MYLK: variants seen among roughly 807,000 people sequenced by gnomAD.
MYLK encodes myosin light chain kinase, smooth muscle.
Under a neutral mutation model 203.4 loss-of-function variants are expected in MYLK, and 106 were observed. That is an observed-to-expected ratio of 0.52 (90% CI 0.45 to 0.61). The LOEUF (loss-of-function observed/expected upper bound fraction) is 0.61. Among genes scored for constraint, MYLK ranks in the 20% least tolerant of loss-of-function variants. MYLK has a pLI of 0.00. For missense variants in MYLK, 2,072 were observed against 2,442.3 expected, an observed-to-expected ratio of 0.85 and a Z score of 3.20; for synonymous variants, 867 against 959.5, an observed-to-expected ratio of 0.90 and a Z score of 1.78.
chr3:123,626,235 G>A (rs760896394), intron 31 of MYLK, among the ~76,000 whole-genome samples: 9 of 152,200 alleles, frequency 5.9e-5, no homozygotes, highest in Non-Finnish European at 1.2e-4. Flanking sequence ...GGCCACATGA[G>A]GATGATCTCG....
At chr3:123,674,254 C>T (rs139580906) in intron 20 of MYLK, among the ~76,000 whole-genome samples, 32 of 152,274 alleles carry the variant, frequency 2.1e-4, no homozygotes, top group African/African-American at 7.7e-4. Context: ...AACTAAGTAC[C>T]TCCTCAGTCT....
At chr3:123,620,405 G>T (rs1323852523) in intron 31 of MYLK, 69 bp from the exon 32 acceptor site, 2 of 1,609,388 alleles carry the variant, frequency 1.2e-6, no homozygotes, top group East Asian at 2.2e-5. Flanking sequence ...GCGAGGGGCT[G>T]CAGGGAGTAG....
intron 22 of MYLK, among the ~76,000 whole-genome samples, chr3:123,664,576 G>A (rs975856910): frequency 2.0e-5 from 3 of 152,154 alleles, no homozygotes; most frequent in African/African-American, 7.2e-5. Flanking sequence ...TGGGATGATA[G>A]GAGAACACAT....
chr3:123,861,652 G>T (rs9855612), intron 2 of MYLK, among the ~76,000 whole-genome samples: 16 of 152,296 alleles, frequency 1.1e-4, no homozygotes, highest in African/African-American at 3.9e-4. Flanking sequence ...CTTTAAGTGT[G>T]TCATTCACTA....
intron 19 of MYLK, among the ~76,000 whole-genome samples, chr3:123,687,574 T>A (rs1560073377): frequency 6.6e-6 from 1 of 151,714 alleles, no homozygotes. Flanking sequence ...ACCTGACCCT[T>A]CCTTCCTTCC....
At chr3:123,683,368 C>T (rs548028546) in intron 19 of MYLK, among the ~76,000 whole-genome samples, 2 of 152,254 alleles carry the variant, frequency 1.3e-5, no homozygotes, top group African/African-American at 4.8e-5. Context: ...AGTGCCCTCT[C>T]ATGGTCCGCC....
At chr3:123,763,291 A>T (rs1236732473) in intron 4 of MYLK, among the ~76,000 whole-genome samples, 1 of 152,190 alleles carries the variant, frequency 6.6e-6, no homozygotes, top group Non-Finnish European at 1.5e-5. Flanking sequence ...TCTCCTTTAG[A>T]GATAACCCTC....
intron 1 of MYLK, among the ~76,000 whole-genome samples, chr3:123,881,553 A>G (rs2033540747): frequency 6.6e-6 from 1 of 152,050 alleles, no homozygotes. Context: ...CAGACTCCCA[A>G]GTATTGTTCT....
intron 19 of MYLK, among the ~76,000 whole-genome samples, chr3:123,687,913 C>T (rs1268651021): frequency 2.0e-5 from 3 of 152,206 alleles, no homozygotes; most frequent in African/African-American, 7.2e-5. Context: ...TCAAGCAATT[C>T]ACCTGCTTCT....
chr3:123,831,409 T>C (rs1479423732), intron 3 of MYLK, 139 bp downstream of exon 3: 1 of 1,289,488 alleles, frequency 7.8e-7, no homozygotes, highest in Non-Finnish European at 1.0e-6. Context: ...CTTGGGCAGC[T>C]GGCCAGGTGC....
intron 2 of MYLK, among the ~76,000 whole-genome samples, chr3:123,833,383 C>A (rs1313733767): frequency 6.6e-6 from 1 of 152,138 alleles, no homozygotes; most frequent in Non-Finnish European, 1.5e-5. Flanking sequence ...TTAGGGATAC[C>A]TATTGCTTCT....
rs375287980 is a variant in MYLK at position 123,640,865 on chromosome 3, A to G, written c.4620-361T>C. On this transcript the variant is annotated intron_variant, in intron 27 of 33. Transcript: ENST00000360304. The surrounding 1 kb of genome is among the most constrained non-coding windows in gnomAD (Gnocchi z 4.3). ...AATGACCACACATGCCTAAGGGAAC[A>G]TTCTTGTACTCTAGCCGTGTCTTTT... Among the ~76,000 whole-genome samples the G allele has an allele frequency of 4.0e-4, 61 of 152,338 alleles. No homozygotes were observed. The highest frequency in any genetic ancestry group is 1.3e-3 in the African/African-American group (55 of 41,582).
intron 4 of MYLK, among the ~76,000 whole-genome samples, chr3:123,788,904 T>C (rs911928651): frequency 6.6e-6 from 1 of 151,936 alleles, no homozygotes; most frequent in African/African-American, 2.4e-5. Flanking sequence ...TATTAGCTCA[T>C]CTGAGTCACA....
Position 123,722,200 on chromosome 3 carries a change from G to A in MYLK, c.1732C>T (p.His578Tyr). ...LHIQDALPED[H>Y]GTYTCLAENA... is the part of the protein sequence containing the mutation. ...TCAGCTAGGCAGGTGTAGGTGCCAT[G>A]GTCCTCCGGCAGGGCATCCTGGATG... The change falls in exon 13 of 34, where the codon CAT (histidine) becomes TAT (tyrosine). Residue 578 changes from histidine to tyrosine, a missense_variant. By Grantham distance (83) the His-to-Tyr change is moderately conservative. This residue lies in a region of MYLK where 865 missense variants were observed against 1,016.0 expected (regional missense o/e 0.85). Transcript: ENST00000360304. 1 of 1,561,968 alleles carries A rather than the reference G, an allele frequency of 6.4e-7. No homozygotes were observed. The highest frequency in any genetic ancestry group is 8.7e-7 in the Non-Finnish European group (1 of 1,152,828).
chr3:123,627,724 A>G (rs900572288), intron 30 of MYLK, among the ~76,000 whole-genome samples: 3 of 152,002 alleles, frequency 2.0e-5, no homozygotes, highest in South Asian at 4.2e-4. Context: ...ATTTTCATGC[A>G]TTATTTTTAT....
chr3:123,758,052 CAA>C (rs113861838), intron 4 of MYLK, among the ~76,000 whole-genome samples: 7 of 129,398 alleles, frequency 5.4e-5, no homozygotes, highest in African/African-American at 1.4e-4. Context: ...CGTGGTTGCA[CAA>C]AAAAAAAAAA....
intron 2 of MYLK, among the ~76,000 whole-genome samples, chr3:123,852,563 A>C (rs182629619): frequency 2.4e-4 from 36 of 151,964 alleles, no homozygotes; most frequent in African/African-American, 8.7e-4. Flanking sequence ...TTTCTGTGGG[A>C]TCGGTGGTGA....
chr3:123,791,245 G>A (rs2064768412), intron 4 of MYLK, among the ~76,000 whole-genome samples: 2 of 152,194 alleles, frequency 1.3e-5, no homozygotes, highest in African/African-American at 4.8e-5. Flanking sequence ...CAAGTTTTGA[G>A]TGTTTGGAGC....
chr3:123,710,686 A>G (rs1393860830), intron 13 of MYLK, among the ~76,000 whole-genome samples: 3 of 152,216 alleles, frequency 2.0e-5, no homozygotes, highest in African/African-American at 7.2e-5. Flanking sequence ...AGTTAAACAT[A>G]TACTTCCCTT....
Sources: allele counts gnomAD v4.1 joint callset (sites outside exome capture counted in the v4.1 genomes callset), GRCh38; gene constraint gnomAD v4.1.1; regional missense constraint gnomAD v4.1.1; non-coding constraint Gnocchi (gnomAD v3.1); transcripts MANE v1.5; gene names NCBI Gene and HGNC (gene_info 2026-07-23, HGNC 2026-07-21).